The following MGAT4C variants were observed in gnomAD, a reference collection of about 807,000 sequenced individuals.
The protein encoded by MGAT4C is alpha-1,3-mannosyl-glycoprotein 4-beta-N-acetylglucosaminyltransferase C.
MGAT4C carries 19 observed loss-of-function variants against 40.1 expected under a neutral mutation model. The ratio of observed to expected loss-of-function variants is 0.47; its 90% confidence interval spans 0.33 to 0.70. The LOEUF is 0.70. Among genes scored for constraint, MGAT4C ranks in the 30% least tolerant of loss-of-function variants. The pLI is 0.02. For missense variants in MGAT4C, 491 were observed against 563.2 expected (o/e 0.87, Z 1.30); for synonymous variants, 181 against 187.1 (o/e 0.97, Z 0.27).
At chr12:86,676,188 A>G (rs561559046) in intron 2 of MGAT4C, among the ~76,000 whole-genome samples, 3 of 152,236 alleles carry the variant, frequency 2.0e-5, no homozygotes, top group African/African-American at 7.2e-5. Flanking sequence ...TCTAGGTGAA[A>G]GAGGAAAGAA....
chr12:86,679,048 A>C (rs1458076370), intron 2 of MGAT4C, among the ~76,000 whole-genome samples: 8 of 152,070 alleles, frequency 5.3e-5, no homozygotes. Flanking sequence ...TCCCACCAAC[A>C]GTGTAAAAGT....
intron 2 of MGAT4C, among the ~76,000 whole-genome samples, chr12:86,533,813 C>G (rs1347784687): frequency 6.6e-6 from 1 of 151,482 alleles, no homozygotes; most frequent in Non-Finnish European, 1.5e-5. Flanking sequence ...ATGGGAAGCA[C>G]CCCCACCACC....
intron 1 of MGAT4C, among the ~76,000 whole-genome samples, chr12:86,245,890 AG>A (rs1433736688): frequency 1.1e-4 from 16 of 152,358 alleles, no homozygotes; most frequent in Non-Finnish European, 2.4e-4. Context: ...TAATCATCAT[AG>A]AGCTACCAGA....
intron 2 of MGAT4C, among the ~76,000 whole-genome samples, chr12:86,621,868 A>AT (rs1333590367): frequency 2.6e-5 from 4 of 152,082 alleles, no homozygotes; most frequent in Admixed American, 2.0e-4. Flanking sequence ...TTGAATTTTG[A>AT]TTTTTTCTCA....
intron 1 of MGAT4C, among the ~76,000 whole-genome samples, chr12:86,068,697 T>C (rs1894796848): frequency 6.6e-6 from 1 of 151,954 alleles, no homozygotes; most frequent in Non-Finnish European, 1.5e-5. Context: ...CAATCTAATC[T>C]ATAGTCGAGC....
In MGAT4C at chr12:85,974,769, T is replaced by C. The variant is rs1285149951; in HGVS notation, c.*4520A>G. On this transcript the variant is annotated 3_prime_UTR_variant, in exon 5 of 5. Transcript: ENST00000611864. ...CTTCCTAAAAAGAATAACCCCAATC[T>C]GAACAAAGAAATTCAAAGTAATGGA... 1 of 150,650 alleles carries C rather than the reference T, an allele frequency of 6.6e-6. No homozygotes were observed. The highest frequency in any genetic ancestry group is 2.4e-5 in the African/African-American group (1 of 41,262). The allele number at this position is 150,650 out of a possible 1,614,324, so 9.3% of individuals were successfully genotyped here. A position where few individuals can be genotyped will look rare whatever the true frequency, so the allele number is the denominator to read the frequency against.
chr12:86,177,515 A>C (rs932779142), intron 1 of MGAT4C, among the ~76,000 whole-genome samples: 1 of 152,142 alleles, frequency 6.6e-6, no homozygotes, highest in Admixed American at 6.6e-5. Flanking sequence ...TAATTATTAG[A>C]TTTCACCCAA....
intron 3 of MGAT4C, among the ~76,000 whole-genome samples, chr12:86,363,156 T>A (rs1424392819): frequency 6.6e-6 from 1 of 152,046 alleles, no homozygotes; most frequent in East Asian, 1.9e-4. Flanking sequence ...GTATATAATA[T>A]ATTATCAATA....
intron 2 of MGAT4C, among the ~76,000 whole-genome samples, chr12:86,643,511 A>C (rs1395157649): frequency 1.3e-5 from 2 of 151,914 alleles, no homozygotes. Flanking sequence ...TTGATCTATA[A>C]AAATGAACGA....
chr12:86,272,191 C>T lies in MGAT4C; in HGVS notation c.-57+61874G>A, dbSNP rs573465502. On this transcript the variant is annotated intron_variant, in intron 4 of 7. Transcript: ENST00000548651. ...CATTATATACCTGTAACACAATTTCCCACATATCCCATAAATTTGTGTAAA... is the reference window on the plus strand; with the variant it reads ...CATTATATACCTGTAACACAATTTCTCACATATCCCATAAATTTGTGTAAA... Among the ~76,000 whole-genome samples, 4 of 152,230 alleles carry T rather than the reference C, an allele frequency of 2.6e-5. No homozygotes were observed. The East Asian group carries it at 7.7e-4, about 29-fold the overall frequency.
At chr12:86,650,777 C>A (rs550122483) in intron 2 of MGAT4C, among the ~76,000 whole-genome samples, 1 of 151,884 alleles carries the variant, frequency 6.6e-6, no homozygotes, top group East Asian at 1.9e-4. Flanking sequence ...CTGCTTTAAA[C>A]CCCTCATGTA....
intron 1 of MGAT4C, among the ~76,000 whole-genome samples, chr12:86,053,871 T>C (rs1893128228): frequency 6.6e-6 from 1 of 151,794 alleles, no homozygotes; most frequent in African/African-American, 2.4e-5. Flanking sequence ...ACCAGAGAAA[T>C]GCAAGTAAAA....
chr12:86,554,297 A>G (rs994614709), intron 2 of MGAT4C, among the ~76,000 whole-genome samples: 3 of 152,194 alleles, frequency 2.0e-5, no homozygotes, highest in Non-Finnish European at 4.4e-5. Flanking sequence ...TATCCCTGAC[A>G]TGCCACTGAA....
intron 3 of MGAT4C, among the ~76,000 whole-genome samples, chr12:86,380,865 A>C (rs1955914723): frequency 6.6e-6 from 1 of 152,210 alleles, no homozygotes; most frequent in African/African-American, 2.4e-5. Flanking sequence ...TTGAAAATAT[A>C]ATTCAGGAAA....
intron 1 of MGAT4C, among the ~76,000 whole-genome samples, chr12:86,773,417 T>C (rs1038693295): frequency 1.3e-5 from 2 of 152,004 alleles, no homozygotes; most frequent in Non-Finnish European, 2.9e-5. Context: ...CTTACAACCC[T>C]CAAAAATGTG....
At chr12:86,426,761 C>T (rs1956933654) in intron 3 of MGAT4C, among the ~76,000 whole-genome samples, 1 of 152,100 alleles carries the variant, frequency 6.6e-6, no homozygotes, top group South Asian at 2.1e-4. Context: ...TCCTGGCTAA[C>T]ACGGTGAAAC....
At chr12:86,149,429 A>G (rs1883990523) in intron 1 of MGAT4C, among the ~76,000 whole-genome samples, 1 of 152,204 alleles carries the variant, frequency 6.6e-6, no homozygotes, top group South Asian at 2.1e-4. Flanking sequence ...TTTACATTTA[A>G]AAGTTTAATT....
chr12:86,528,906 G>A (rs1358385177), intron 2 of MGAT4C, among the ~76,000 whole-genome samples: 2 of 151,554 alleles, frequency 1.3e-5, no homozygotes, highest in Non-Finnish European at 1.5e-5. Flanking sequence ...AGCCACCGTG[G>A]CACACATTTA....
chr12:85,992,958 C>A (rs540415052), intron 2 of MGAT4C, among the ~76,000 whole-genome samples: 8 of 152,294 alleles, frequency 5.3e-5, no homozygotes, highest in Admixed American at 2.0e-4. Context: ...GGAATCAACC[C>A]CCTTTGCTCT....
Sources: gnomAD v4.1 joint callset for allele counts (sites outside exome capture counted in the v4.1 genomes callset) on GRCh38, gnomAD v4.1.1 for gene constraint, MANE v1.5 for transcripts, NCBI Gene and HGNC (gene_info 2026-07-23, HGNC 2026-07-21) for gene names.